CELF2: variants seen among roughly 807,000 people sequenced by gnomAD.
CELF2 encodes CUG triplet repeat RNA-binding protein 2.
CELF2 carries 8 observed loss-of-function variants against 62.6 expected under a neutral mutation model. The ratio of observed to expected loss-of-function variants is 0.13; its 90% CI spans 0.07 to 0.23. CELF2 has a LOEUF of 0.23. CELF2 is among the 10% of genes least tolerant of loss of function. The probability of loss-of-function intolerance (pLI) is 1.00; values close to 1 mark genes in which losing one functional copy is unlikely to be tolerated. For synonymous variants in CELF2, 258 were observed against 250.0 expected (o/e 1.03, Z -0.30); for missense variants, 333 against 671.0 (o/e 0.50, Z 5.56).
the CELF2 span, among the ~76,000 whole-genome samples, chr10:10,523,664 C>T: frequency 2.3e-3 from 356 of 152,308 alleles, 4 homozygotes; most frequent in East Asian, 0.057. Flanking sequence ...ATTCAGCTCA[C>T]TCTTTCCCTT....
chr10:11,140,877 C>T (rs1429404721), intron 1 of CELF2, among the ~76,000 whole-genome samples: 4 of 152,110 alleles, frequency 2.6e-5, no homozygotes, highest in African/African-American at 9.7e-5. Context: ...ATTAGCCAGG[C>T]ATGATGGAGT....
intron 1 of CELF2, among the ~76,000 whole-genome samples, chr10:10,859,409 A>T (rs1281611494): frequency 6.6e-6 from 1 of 152,112 alleles, no homozygotes; most frequent in South Asian, 2.1e-4. Flanking sequence ...GAACAGAAAG[A>T]TCTGTTTTTT....
At position 11,292,950 on chromosome 10, in the gene CELF2, G is replaced by A. The variant is rs191903624; in HGVS notation, c.976+4398G>A. ...TTGTCTTCTCTCTCCTTGTACTACT[G>A]GAACAGCCTCCAACTTGGCCCCTTC... On this transcript the variant is annotated intron_variant, in intron 9 of 12. Coordinates refer to ENST00000633077, the MANE Select transcript of CELF2 (RefSeq NM_001326342.2). Among the ~76,000 whole-genome samples the A allele has an allele frequency of 1.5e-3, 223 of 152,306 alleles. 1 individual carries two copies. Among genetic ancestry groups the A allele is most frequent in the African/African-American group, 5.3e-3 (219 of 41,562 alleles).
the CELF2 span, among the ~76,000 whole-genome samples, chr10:10,793,096 T>C: frequency 6.6e-6 from 1 of 152,342 alleles, no homozygotes; most frequent in African/African-American, 2.4e-5. Context: ...TGCATATATG[T>C]AGCAGGTTTT....
chr10:10,910,578 C>A (rs1282443655), intron 1 of CELF2, among the ~76,000 whole-genome samples: 1 of 151,744 alleles, frequency 6.6e-6, no homozygotes, highest in Non-Finnish European at 1.5e-5. Context: ...CTTCTGTCAT[C>A]CCAGCTAGCT....
intron 7 of CELF2, among the ~76,000 whole-genome samples, chr10:11,273,054 C>T (rs2084443838): frequency 6.6e-6 from 1 of 152,192 alleles, no homozygotes. Flanking sequence ...TCCCCGCTCT[C>T]TTCCTCTTTC....
Position 10,997,097 on chromosome 10 carries a change from C to CT in CELF2, c.89+77099dup, listed in dbSNP as rs1295156014. ...CTTCTCCTCTCTCTACAGCTGCTGC[C>CT]TGGCAACATGGAATAGTGATGCCCA... is the stretch of plus-strand genomic sequence containing the variant. On this transcript the variant is annotated intron_variant, in intron 2 of 13. Transcript: ENST00000636488. This position sits in a 1 kb window ranked among gnomAD's most constrained non-coding sequence, Gnocchi z 5.3. Among the ~76,000 whole-genome samples, 1 of 152,186 alleles carries CT rather than the reference C, an allele frequency of 6.6e-6. No homozygotes were observed. The highest frequency in any genetic ancestry group is 1.5e-5 in the Non-Finnish European group (1 of 68,042).
the CELF2 span, among the ~76,000 whole-genome samples, chr10:10,550,840 A>G: frequency 4.6e-5 from 7 of 152,066 alleles, no homozygotes; most frequent in African/African-American, 1.7e-4. Context: ...CTGGGATTAC[A>G]GGCATGAGCC....
At chr10:10,908,213 G>GGGTTTTTTTT (rs1564802363) in intron 1 of CELF2, among the ~76,000 whole-genome samples, 1 of 26,536 alleles carries the variant, frequency 3.8e-5, no homozygotes, top group African/African-American at 1.9e-4. Context: ...TGTATGAGGG[G>GGGTTTTTTTT]ATTTTTTTTT....
chr10:10,737,222 A>G, the CELF2 span, among the ~76,000 whole-genome samples: 2 of 152,216 alleles, frequency 1.3e-5, no homozygotes, highest in South Asian at 2.1e-4. Flanking sequence ...AATGGTTCGC[A>G]TACTGTCCCT....
intron 1 of CELF2, among the ~76,000 whole-genome samples, chr10:11,113,501 C>T (rs1430213423): frequency 6.6e-6 from 1 of 152,158 alleles, no homozygotes; most frequent in African/African-American, 2.4e-5. Flanking sequence ...GGACTTTTCT[C>T]ACTAATTAAA....
chr10:10,770,383 A>T, the CELF2 span, among the ~76,000 whole-genome samples: 2 of 151,998 alleles, frequency 1.3e-5, no homozygotes, highest in African/African-American at 4.8e-5. Flanking sequence ...GGAGAAGGCT[A>T]ACTGCAGGAC....
At chr10:10,595,723 C>T in the CELF2 span, among the ~76,000 whole-genome samples, 1 of 152,040 alleles carries the variant, frequency 6.6e-6, no homozygotes, top group Non-Finnish European at 1.5e-5. Context: ...GGTGAAACCC[C>T]CATCTCTACA....
At chr10:10,816,312 T>G (rs1347010565) in intron 1 of CELF2, among the ~76,000 whole-genome samples, 1 of 152,210 alleles carries the variant, frequency 6.6e-6, no homozygotes, top group Non-Finnish European at 1.5e-5. Context: ...CAAAGGCACA[T>G]TCAGGTAATT....
chr10:10,758,926 G>A, the CELF2 span, among the ~76,000 whole-genome samples: 1 of 152,030 alleles, frequency 6.6e-6, no homozygotes, highest in African/African-American at 2.4e-5. Flanking sequence ...TTTGTCTTTT[G>A]ATTAAAACTG....
intron 1 of CELF2, among the ~76,000 whole-genome samples, chr10:11,068,146 T>C (rs1291853): frequency 0.32 from 49,147 of 152,132 alleles, 8,625 homozygotes; most frequent in African/African-American, 0.43. Flanking sequence ...CTACTGTGTG[T>C]CATGTCTGAT....
At chr10:11,195,794 C>G (rs2057304628) in intron 2 of CELF2, among the ~76,000 whole-genome samples, 1 of 152,168 alleles carries the variant, frequency 6.6e-6, no homozygotes, top group Non-Finnish European at 1.5e-5. Flanking sequence ...CCTTTGTTTT[C>G]TGAGGCCTTG....
At chr10:10,903,541 G>A (rs2063101621) in intron 1 of CELF2, among the ~76,000 whole-genome samples, 1 of 152,214 alleles carries the variant, frequency 6.6e-6, no homozygotes, top group African/African-American at 2.4e-5. Flanking sequence ...CTTTAAGTAA[G>A]AAAGCTTCTA....
At chr10:11,161,695 G>A (rs1406612361) in intron 1 of CELF2, among the ~76,000 whole-genome samples, 1 of 152,176 alleles carries the variant, frequency 6.6e-6, no homozygotes, top group Admixed American at 6.5e-5. Context: ...ACTGTAAGAG[G>A]CACTGTACTG....
Sources: gnomAD v4.1 joint callset for allele counts (sites outside exome capture counted in the v4.1 genomes callset) on GRCh38, gnomAD v4.1.1 for gene constraint, Gnocchi (gnomAD v3.1) non-coding constraint, MANE v1.5 for transcripts, NCBI Gene and HGNC (gene_info 2026-07-23, HGNC 2026-07-21) for gene names.